XPO7: variants seen among roughly 807,000 people sequenced by gnomAD.
XPO7 encodes the protein exportin-7.
Under a neutral mutation model 144.3 loss-of-function variants are expected in XPO7, and 21 were observed. The ratio of observed to expected loss-of-function variants is 0.15; its 90% CI spans 0.10 to 0.21. The LOEUF (loss-of-function observed/expected upper bound fraction) is 0.21, where lower values mean the gene tolerates loss of function less well. XPO7 is among the 10% of genes least tolerant of loss of function. The pLI, the probability that XPO7 is intolerant of heterozygous loss-of-function variation, is 1.00. For synonymous variants in XPO7, 580 were observed against 499.6 expected, an observed-to-expected ratio of 1.16 and a Z score of -2.15; for missense variants, 808 against 1,325.8, an observed-to-expected ratio of 0.61 and a Z score of 6.06.
intron 5 of XPO7, 60 bp downstream of exon 5, chr8:21,972,001 T>A (rs1238853055): frequency 6.6e-7 from 1 of 1,524,994 alleles, no homozygotes; most frequent in Non-Finnish European, 9.1e-7. Flanking sequence ...GTATTGGTGT[T>A]TTCTGCTGTG....
intron 22 of XPO7, 127 bp downstream of exon 22, chr8:21,998,964 C>T (rs1293415584): frequency 1.4e-6 from 2 of 1,436,120 alleles, no homozygotes; most frequent in Non-Finnish European, 1.9e-6. Context: ...TATGCTAATA[C>T]ATGTGCATTA....
At chr8:22,000,453 A>ATTTTTTT (rs34272523) in intron 24 of XPO7, among the ~76,000 whole-genome samples, 1 of 128,726 alleles carries the variant, frequency 7.8e-6, no homozygotes, top group Non-Finnish European at 1.6e-5. Flanking sequence ...CCTTCCAACA[A>ATTTTTTT]TTTTTTTTTT....
At chr8:21,993,748 C>T (rs559650710) in intron 19 of XPO7, among the ~76,000 whole-genome samples, 84 of 152,206 alleles carry the variant, frequency 5.5e-4, no homozygotes, top group African/African-American at 2.0e-3. Context: ...TCTAGATGGC[C>T]CACCCAAAGA....
intron 5 of XPO7, among the ~76,000 whole-genome samples, chr8:21,973,749 A>G (rs1300959230): frequency 6.6e-6 from 1 of 152,218 alleles, no homozygotes; most frequent in Admixed American, 6.5e-5. Context: ...CTTTGAAGTT[A>G]TTTTATTCCA....
chr8:21,919,729 TGGGGG>T lies in XPO7; in HGVS notation c.-39_-35del. ...CAGCGGCTCCGGCCGAGGTGCGCGCTGGGGGGGAGGGGGGGCCGGAGAGGAGCATG... is the reference window on the plus strand; with the variant it reads ...CAGCGGCTCCGGCCGAGGTGCGCGCTGGAGGGGGGGCCGGAGAGGAGCATG... On this transcript the variant is annotated 5_prime_UTR_variant, in exon 1 of 28. Transcript: ENST00000252512. 4.1e-6 allele frequency: 1 copy of T among 241,954 alleles called. No individual in the cohort carries two copies. The highest frequency in any genetic ancestry group is 7.0e-6 in the Non-Finnish European group (1 of 142,678). The allele number at this position is 241,954 out of a possible 1,614,324, so 15.0% of individuals were successfully genotyped here. A position where few individuals can be genotyped will look rare whatever the true frequency, so the allele number is the denominator to read the frequency against.
chr8:21,957,741 C>T (rs1811586246), intron 1 of XPO7, among the ~76,000 whole-genome samples: 1 of 152,218 alleles, frequency 6.6e-6, no homozygotes, highest in Non-Finnish European at 1.5e-5. Context: ...GTGTGCCAGA[C>T]ACTCTTGTAC....
intron 19 of XPO7, among the ~76,000 whole-genome samples, chr8:21,994,091 G>A (rs1003215053): frequency 1.3e-5 from 2 of 151,934 alleles, no homozygotes; most frequent in African/African-American, 2.4e-5. Context: ...AACCAGGAAC[G>A]TATTTTCTTG....
At chr8:21,953,276 C>A (rs2117294568) in intron 1 of XPO7, among the ~76,000 whole-genome samples, 1 of 152,218 alleles carries the variant, frequency 6.6e-6, no homozygotes, top group South Asian at 2.1e-4. Context: ...ACCATCATTT[C>A]TCCCCCCCTG....
At chr8:21,934,030 G>GT (rs1810739939) in intron 1 of XPO7, among the ~76,000 whole-genome samples, 1 of 152,114 alleles carries the variant, frequency 6.6e-6, no homozygotes, top group African/African-American at 2.4e-5. Flanking sequence ...ACGAGAAAAT[G>GT]TTTTTTTCAG....
intron 1 of XPO7, among the ~76,000 whole-genome samples, chr8:21,947,403 A>G (rs1811227103): frequency 6.6e-6 from 1 of 152,196 alleles, no homozygotes; most frequent in Non-Finnish European, 1.5e-5. Flanking sequence ...ACATAAAGGA[A>G]GAAGGGACAG....
intron 1 of XPO7, among the ~76,000 whole-genome samples, chr8:21,929,318 G>A (rs577738459): frequency 2.6e-5 from 4 of 152,304 alleles, no homozygotes; most frequent in South Asian, 4.1e-4. Context: ...CTAGATCCTC[G>A]TCCTCTCAGA....
chr8:21,957,852 T>C (rs1444821235), intron 1 of XPO7, among the ~76,000 whole-genome samples: 1 of 152,090 alleles, frequency 6.6e-6, no homozygotes, highest in African/African-American at 2.4e-5. Context: ...GCTTTCACAC[T>C]GTAAACAACT....
intron 10 of XPO7, 122 bp downstream of exon 10, chr8:21,981,999 C>T: frequency 2.3e-6 from 3 of 1,294,688 alleles, no homozygotes; most frequent in Non-Finnish European, 3.2e-6. Context: ...CAGTATAGCC[C>T]TACAGAGTAG....
At chr8:21,974,805 G>A (rs765388287) in intron 6 of XPO7, 31 bp downstream of exon 6, 4 of 1,506,152 alleles carry the variant, frequency 2.7e-6, no homozygotes, top group African/African-American at 1.4e-5. Flanking sequence ...ATATTTCCCA[G>A]TTTCTTTTGA....
At chr8:21,935,483 A>G (rs372048264) in intron 1 of XPO7, among the ~76,000 whole-genome samples, 66 of 152,212 alleles carry the variant, frequency 4.3e-4, no homozygotes, top group African/African-American at 1.5e-3. Context: ...ATGTTCAGGT[A>G]TCTTTCCAGT....
At chr8:21,973,120 C>T (rs184886825) in intron 5 of XPO7, among the ~76,000 whole-genome samples, 26 of 152,290 alleles carry the variant, frequency 1.7e-4, no homozygotes, top group Non-Finnish European at 3.7e-4. Context: ...TCACAAGCAA[C>T]AGATGTGATT....
At chr8:21,931,452 A>T (rs1218838918) in intron 1 of XPO7, among the ~76,000 whole-genome samples, 1 of 152,116 alleles carries the variant, frequency 6.6e-6, no homozygotes, top group Admixed American at 6.5e-5. Context: ...GCCCATGCCT[A>T]CCTTATTTCT....
At position 21,989,054 on chromosome 8, in the gene XPO7, A is replaced by G. The variant is rs767713218; in HGVS notation, c.1839A>G (p.Thr613=). The change falls in exon 16 of 28, where the codon ACA becomes ACG. Residue 613 remains threonine (T), a synonymous_variant. Coordinates refer to ENST00000252512, the MANE Select transcript of XPO7 (RefSeq NM_015024.5). The part of the protein sequence containing the change: ...WGRCEPITSK[T]LQLLNDLSIG... ...GTTGTGAACCAATCACCTCCAAGAC[A>G]CTACAGCTTCTCAATGACCTGTCCA... 5.0e-6 allele frequency: 8 copies of G among 1,613,818 alleles called. No individual in the cohort carries two copies. The South Asian group carries it at 8.8e-5, about 18-fold the overall frequency.
rs1433734538 is a variant in XPO7, at chr8:21,994,363, C to A, written c.2149C>A (p.Arg717=). 1 of 1,611,036 alleles carries A rather than the reference C, an allele frequency of 6.2e-7. No individual in the cohort carries two copies. The highest frequency in any genetic ancestry group is 8.5e-7 in the Non-Finnish European group (1 of 1,177,898). ...TNSFNEQEAK[R]TLVGLVRDLR... ...AACACATTTTTGCCTTCTACTACAG[C>A]GAACTCTAGTTGGCCTAGTAAGAGA... Residue 717 remains arginine, a splice_region_variant and synonymous_variant, in exon 20 of 28, where the codon CGA becomes AGA. Transcript: ENST00000252512.
Sources: gnomAD v4.1 joint callset for allele counts (sites outside exome capture counted in the v4.1 genomes callset) on GRCh38, gnomAD v4.1.1 for gene constraint, MANE v1.5 for transcripts, NCBI Gene and HGNC (gene_info 2026-07-23, HGNC 2026-07-21) for gene names.